Variants in HACD3 observed in about 807,000 individuals in gnomAD.
HACD3 encodes very-long-chain (3R)-3-hydroxyacyl-CoA dehydratase 3.
In HACD3, 30 loss-of-function variants were observed where a neutral mutation model predicts 55.2. The ratio of observed to expected loss-of-function variants is 0.54; its 90% CI spans 0.41 to 0.74. The LOEUF (loss-of-function observed/expected upper bound fraction) is 0.74, where lower values mean the gene tolerates loss of function less well. HACD3 is among the 30% of genes least tolerant of loss of function. The pLI is 0.00. For synonymous variants in HACD3, 141 were observed against 151.7 expected, an observed-to-expected ratio of 0.93 and a Z score of 0.52; for missense variants, 363 against 440.1, an observed-to-expected ratio of 0.82 and a Z score of 1.57.
intron 1 of HACD3, chr15:65,530,935 G>C: frequency 1.9e-6 from 1 of 520,998 alleles, no homozygotes; most frequent in Non-Finnish European, 3.4e-6. Flanking sequence ...GGAACCTTCG[G>C]GTCCCCAGAG....
chr15:65,552,492 C>T (rs910011451), intron 2 of HACD3, among the ~76,000 whole-genome samples: 3 of 152,132 alleles, frequency 2.0e-5, no homozygotes, highest in African/African-American at 4.8e-5. Context: ...TCCGCCACCA[C>T]GTCCAGCTAA....
intron 1 of HACD3, among the ~76,000 whole-genome samples, chr15:65,542,540 A>G (rs2072031343): frequency 6.6e-6 from 1 of 152,170 alleles, no homozygotes; most frequent in Non-Finnish European, 1.5e-5. Flanking sequence ...CTGGGATTAC[A>G]GGCATCAGTC....
chr15:65,562,639 G>A (rs1214862314), intron 5 of HACD3, 135 bp from the exon 6 acceptor site: 42 of 1,204,704 alleles, frequency 3.5e-5, no homozygotes, highest in Non-Finnish European at 4.7e-5. Context: ...TGAGGACCTG[G>A]ACCAGGTATT....
intron 1 of HACD3, among the ~76,000 whole-genome samples, chr15:65,538,164 T>C (rs184505320): frequency 2.0e-5 from 3 of 151,896 alleles, no homozygotes; most frequent in Admixed American, 2.0e-4. Context: ...TCAGGTCTTA[T>C]TTAGAAAATA....
intron 7 of HACD3, 59 bp from the exon 8 acceptor site, chr15:65,570,032 T>A: frequency 1.7e-6 from 2 of 1,175,278 alleles, no homozygotes. Flanking sequence ...GATAACACAT[T>A]TCTATAACTT....
At chr15:65,558,622 T>G in intron 4 of HACD3, 58 bp from the exon 5 acceptor site, 4 of 1,512,806 alleles carry the variant, frequency 2.6e-6, no homozygotes, top group Non-Finnish European at 3.6e-6. Context: ...ATATGGACTT[T>G]TGCAAGCATC....
rs951596713 is a variant in HACD3 at position 65,560,445 on chromosome 15, C to T, written c.421+1714C>T. Reference sequence around the variant, plus strand: ...GATAAAATTAATGTCCCTTATTTTCCTGCATGTTGGTTTGAAATTGTCCTG... The same window carrying T: ...GATAAAATTAATGTCCCTTATTTTCTTGCATGTTGGTTTGAAATTGTCCTG... On this transcript the variant is annotated intron_variant, in intron 5 of 10. Coordinates refer to ENST00000261875, the MANE Select transcript of HACD3 (RefSeq NM_016395.4). Among the ~76,000 whole-genome samples, 4 of 152,036 alleles carry T rather than the reference C, an allele frequency of 2.6e-5. No homozygotes were observed. The East Asian group carries it at 5.8e-4, about 22-fold the overall frequency.
intron 10 of HACD3, chr15:65,574,396 A>G (rs532584045): frequency 7.2e-4 from 110 of 152,522 alleles, no homozygotes; most frequent in African/African-American, 2.5e-3. Flanking sequence ...CCGAAGCCAC[A>G]GTGCCTAATC....
At chr15:65,557,005 A>C in intron 4 of HACD3, 102 bp downstream of exon 4, 1 of 1,154,222 alleles carries the variant, frequency 8.7e-7, no homozygotes, top group Non-Finnish European at 1.2e-6. Context: ...AATAGCTACA[A>C]AGTTACAAAT....
rs1289531532 is a variant in HACD3 at position 65,564,340 on chromosome 15, C to G, written c.658C>G (p.Gln220Glu). 3 of 1,612,716 alleles carry G rather than the reference C, an allele frequency of 1.9e-6. No individual in the cohort carries two copies. The highest frequency in any genetic ancestry group is 2.5e-6 in the Non-Finnish European group (3 of 1,179,394). ...GTCACCGGTGCTGCCTTCTCTGATC[C>G]AGGTATTGAATAGTTAAGCTGAAGG... is the stretch of plus-strand genomic sequence containing the variant. ...TTSPVLPSLI[Q>E]LLGRNFILFI... Residue 220 changes from glutamine to glutamate, a missense_variant and splice_region_variant, in exon 7 of 11, where the codon CAG (glutamine) becomes GAG (glutamate). Physicochemically the swap from Gln to Glu is conservative, Grantham distance 29 (BLOSUM62 2). Coordinates refer to ENST00000261875, the MANE Select transcript of HACD3 (RefSeq NM_016395.4).
intron 1 of HACD3, among the ~76,000 whole-genome samples, chr15:65,540,422 TG>T (rs1209969041): frequency 2.0e-5 from 3 of 152,140 alleles, no homozygotes; most frequent in Admixed American, 6.5e-5. Context: ...AGAGAATAAT[TG>T]GTAGAGGCTA....
At chr15:65,546,770 T>A (rs2141210184) in intron 1 of HACD3, among the ~76,000 whole-genome samples, 1 of 152,244 alleles carries the variant, frequency 6.6e-6, no homozygotes, top group East Asian at 1.9e-4. Flanking sequence ...TAGATTTAAA[T>A]GTTTTCAAAA....
chr15:65,544,038 C>G lies in HACD3; in HGVS notation c.88-7638C>G, dbSNP rs1252495503. ...AAAAATACAAAAAAATTACCCGGGC[C>G]TGGTGGTGGGCGCCTGTAGTCCCAG... On this transcript the variant is annotated intron_variant, in intron 1 of 10. Transcript: ENST00000261875. Among the ~76,000 whole-genome samples, 4 of 151,928 alleles carry G rather than the reference C, an allele frequency of 2.6e-5. No homozygotes were observed. In the East Asian group the frequency reaches 7.7e-4, roughly 29 times the overall value.
chr15:65,543,496 A>G (rs893505639), intron 1 of HACD3, among the ~76,000 whole-genome samples: 3 of 152,232 alleles, frequency 2.0e-5, no homozygotes, highest in African/African-American at 7.2e-5. Flanking sequence ...GTTATTAGGA[A>G]GCTTTTCACT....
At chr15:65,537,947 AAAAAAAAAAAAATATATATAT>A (rs1352062942) in intron 1 of HACD3, among the ~76,000 whole-genome samples, 46 of 63,026 alleles carry the variant, frequency 7.3e-4, no homozygotes, top group East Asian at 3.0e-3. Context: ...AAAAAAAAAA[AAAAAAAAAAAAATATATATAT>A]ATATATATAT....
rs529353524 is a variant in HACD3 at position 65,555,458 on chromosome 15, TCCCTTC to T, written c.204+501_204+506del. On this transcript the variant is annotated intron_variant, in intron 3 of 10. Transcript: ENST00000261875. The stretch of plus-strand genomic sequence containing the variant: ...GAATGCTGCAGATATCATCAAAACT[TCCCTTC>T]CCTTAGAGCCTGAGGAAGCTTCTCT... Among the ~76,000 whole-genome samples the T allele has an allele frequency of 1.2e-3, 190 of 152,286 alleles. 1 individual carries two copies. The highest frequency in any genetic ancestry group is 3.9e-3 in the South Asian group (19 of 4,812).
At chr15:65,572,125 C>CCTTT in intron 9 of HACD3, 110 bp from the exon 10 acceptor site, 1 of 1,402,380 alleles carries the variant, frequency 7.1e-7, no homozygotes, top group Admixed American at 2.3e-5. Flanking sequence ...GAGGAGAAAG[C>CCTTT]CTTTCCAGCA....
At position 65,577,688 on chromosome 15, in the gene HACD3, G is replaced by A. The variant is rs1483106325; in HGVS notation, c.*1309G>A. 6.6e-6 allele frequency: 1 copy of A among 152,162 alleles called. No individual in the cohort carries two copies. The highest frequency in any genetic ancestry group is 6.5e-5 in the Admixed American group (1 of 15,282). The allele number at this position is 152,162 out of a possible 1,614,324, so 9.4% of individuals were successfully genotyped here. A position where few individuals can be genotyped will look rare whatever the true frequency, so the allele number is the denominator to read the frequency against. ...GTGTACTTGTTCTAGTGAGTGGTGGGACTGTACATTTTTGAATAGACCTCA... is the reference window on the plus strand; with the variant it reads ...GTGTACTTGTTCTAGTGAGTGGTGGAACTGTACATTTTTGAATAGACCTCA... On this transcript the variant is annotated 3_prime_UTR_variant, in exon 11 of 11. Transcript: ENST00000261875.
intron 1 of HACD3, among the ~76,000 whole-genome samples, chr15:65,544,251 G>T (rs1364468814): frequency 4.6e-5 from 7 of 152,164 alleles, no homozygotes; most frequent in Admixed American, 4.6e-4. Context: ...ACCAGAGAGG[G>T]TACAGGCTGG....
Sources: allele counts gnomAD v4.1 joint callset (sites outside exome capture counted in the v4.1 genomes callset), GRCh38; gene constraint gnomAD v4.1.1; transcripts MANE v1.5; gene names NCBI Gene and HGNC (gene_info 2026-07-23, HGNC 2026-07-21).